The following RSRP1 variants were observed in gnomAD, a reference collection of about 807,000 sequenced individuals.
RSRP1 encodes the protein arginine and serine rich protein 1.
Under a neutral mutation model 33.0 loss-of-function variants are expected in RSRP1, and 37 were observed. The observed-to-expected ratio is 1.12, with a 90% CI of 0.86 to 1.48. RSRP1 has a LOEUF of 1.48. RSRP1 is among the 40% of genes most tolerant of loss of function. The pLI is 0.00. For synonymous variants in RSRP1, 167 were observed against 158.7 expected, an observed-to-expected ratio of 1.05 and a Z score of -0.40; for missense variants, 402 against 385.3, an observed-to-expected ratio of 1.04 and a Z score of -0.36.
chr1:25,288,370 G>A (rs1642226229), intron 1 of RSRP1, among the ~76,000 whole-genome samples: 1 of 125,512 alleles, frequency 8.0e-6, no homozygotes, highest in African/African-American at 2.7e-5. Flanking sequence ...TGTAGAGATG[G>A]AGTCTCACTA....
In RSRP1 at chr1:25,332,356, T is replaced by A. The variant is rs184989582; in HGVS notation, c.-67+5622A>T. ...CTGGCCAAAAATGTGATTTCTTATT[T>A]CCCACATTGCCAATTCCATTTCAAT... On this transcript the variant is annotated intron_variant, in intron 1 of 1. Coordinates refer to the RSRP1 transcript ENST00000561867. Among the ~76,000 whole-genome samples the A allele has an allele frequency of 3.1e-4, 41 of 131,784 alleles. 5 individuals carry two copies. Among genetic ancestry groups the A allele is most frequent in the Admixed American group, 3.0e-3 (40 of 13,506 alleles). The allele number at this position is 131,784 out of a possible 152,430, so 86.5% of individuals were successfully genotyped here. A position where few individuals can be genotyped will look rare whatever the true frequency, so the allele number is the denominator to read the frequency against.
At chr1:25,247,259 T>C (rs1639537951) in intron 1 of RSRP1, 50 bp downstream of exon 1, 1 of 383,236 alleles carries the variant, frequency 2.6e-6, no homozygotes, top group African/African-American at 2.1e-5. Flanking sequence ...CCCTCACTCC[T>C]GAGAGACCAC....
chr1:25,305,309 G>A lies in RSRP1; in HGVS notation c.-67+32669C>T, dbSNP rs1643713794. On this transcript the variant is annotated intron_variant, in intron 1 of 1. Transcript: ENST00000561867. ...CATAGGGTCCACCCAGGAGCATGGTGGACCCAGATCCCTGAAAGATGGGAG... is the reference window on the plus strand; with the variant it reads ...CATAGGGTCCACCCAGGAGCATGGTAGACCCAGATCCCTGAAAGATGGGAG... Among the ~76,000 whole-genome samples the A allele has an allele frequency of 2.3e-5, 3 of 132,284 alleles. 1 individual carries two copies. In the South Asian group the frequency reaches 6.9e-4, roughly 30 times the overall value. 86.8% of individuals were successfully genotyped at this position (132,284 alleles called of 152,430 possible). A position where few individuals can be genotyped will look rare whatever the true frequency, so the allele number is the denominator to read the frequency against.
intron 2 of RSRP1, 33 bp downstream of exon 2, chr1:25,246,411 T>C: frequency 1.2e-6 from 2 of 1,602,186 alleles, no homozygotes; most frequent in South Asian, 1.1e-5. Context: ...CACCATACAT[T>C]ACCACAAATG....
chr1:25,301,554 C>A, intron 1 of RSRP1: 1 of 1,379,336 alleles, frequency 7.2e-7, no homozygotes, highest in Middle Eastern at 1.8e-4. Flanking sequence ...GGCCAAGTTT[C>A]AACTCTGCTC....
At chr1:25,305,945 C>A (rs1309372251) in intron 1 of RSRP1, among the ~76,000 whole-genome samples, 1 of 131,760 alleles carries the variant, frequency 7.6e-6, no homozygotes, top group African/African-American at 2.6e-5. Context: ...AAGGAAGGAA[C>A]CAGCCTGATT....
intron 1 of RSRP1, among the ~76,000 whole-genome samples, chr1:25,262,774 C>T (rs533733916): frequency 6.5e-4 from 99 of 152,330 alleles, no homozygotes; most frequent in Middle Eastern, 3.4e-3. Context: ...GGAATGGAAG[C>T]GTGTATTCCA....
chr1:25,259,146 T>A lies in RSRP1; in HGVS notation c.-66-12117A>T, dbSNP rs1275238418. On this transcript the variant is annotated intron_variant, in intron 1 of 1. Transcript: ENST00000561867. ...TCTTACTCTGTCACCCAGGCTAGAGTGCAATGGCACCATCTTGGCTCACTG... is the reference window on the plus strand; with the variant it reads ...TCTTACTCTGTCACCCAGGCTAGAGAGCAATGGCACCATCTTGGCTCACTG... Among the ~76,000 whole-genome samples the A allele has an allele frequency of 2.0e-5, 3 of 152,100 alleles. No individual in the cohort carries two copies. The East Asian group carries it at 5.8e-4, about 29-fold the overall frequency.
Position 25,301,163 on chromosome 1 carries a change from G to T in RSRP1, c.-67+36815C>A, listed in dbSNP as rs200357982. The T allele has an allele frequency of 1.0e-4, 133 of 1,284,424 alleles. 7 individuals are homozygous for T. The East Asian group carries it at 2.3e-3, about 22-fold the overall frequency. The allele number at this position is 1,284,424 out of a possible 1,614,324, so 79.6% of individuals were successfully genotyped here. On this transcript the variant is annotated intron_variant, in intron 1 of 1. Transcript: ENST00000561867. ...GAATGGCTCAGAAAAGGCTCTGGCT[G>T]AAAAAATCTCCCTCCTTTACCAAGT...
intron 1 of RSRP1, among the ~76,000 whole-genome samples, chr1:25,322,391 G>C (rs1421722352): frequency 7.5e-6 from 1 of 133,116 alleles, no homozygotes; most frequent in Non-Finnish European, 1.8e-5. Flanking sequence ...TCTTACAACT[G>C]GCTGGGCACG....
chr1:25,265,491 CAG>C (rs769888705), intron 1 of RSRP1, among the ~76,000 whole-genome samples: 5 of 111,920 alleles, frequency 4.5e-5, no homozygotes, highest in Admixed American at 1.8e-4. Flanking sequence ...TTTTTTGAGA[CAG>C]AGTCTCACCT....
chr1:25,262,324 G>C (rs879546212), intron 1 of RSRP1, among the ~76,000 whole-genome samples: 9 of 152,268 alleles, frequency 5.9e-5, no homozygotes, highest in Non-Finnish European at 1.3e-4. Context: ...TTGAGCCTAA[G>C]ATACAGCAGT....
chr1:25,247,039 CAA>C lies in RSRP1; in HGVS notation c.-66-12_-66-11del. ...CTCAACTCAGGACTTCCTAAAAAAC[CAA>C]GAGAGAAAAAACAAGTCGAGTCGCG... On this transcript the variant is annotated splice_polypyrimidine_tract_variant and intron_variant, in intron 1 of 4. Coordinates refer to ENST00000243189, the MANE Select transcript of RSRP1 (RefSeq NM_020317.5). 2 of 1,383,078 alleles carry C rather than the reference CAA, an allele frequency of 1.4e-6. No homozygotes were observed. Among genetic ancestry groups the C allele is most frequent in the African/African-American group, 1.4e-5 (1 of 69,456 alleles). The allele number at this position is 1,383,078 out of a possible 1,614,324, so 85.7% of individuals were successfully genotyped here.
chr1:25,284,234 C>T (rs1245186610), intron 1 of RSRP1, among the ~76,000 whole-genome samples: 4 of 136,022 alleles, frequency 2.9e-5, no homozygotes, highest in Non-Finnish European at 5.3e-5. Flanking sequence ...TGTCCATGTG[C>T]GTCAAGCACG....
chr1:25,311,910 G>A lies in RSRP1; in HGVS notation c.-67+26068C>T, dbSNP rs968773901. On this transcript the variant is annotated intron_variant, in intron 1 of 1. Coordinates refer to the RSRP1 transcript ENST00000561867. ...CCACCTACATTTCAAAGGGTGCTGT[G>A]AACAGCCACCCCAGAGAGCCCCTAG... is the stretch of plus-strand genomic sequence containing the variant. 1.1e-4 allele frequency among the ~76,000 whole-genome samples: 15 copies of A among 131,364 alleles called. 2 individuals carry two copies. The East Asian group carries it at 2.9e-3, about 26-fold the overall frequency. 86.2% of individuals were successfully genotyped at this position (131,364 alleles called of 152,430 possible).
At chr1:25,311,939 A>G (rs1644171854) in intron 1 of RSRP1, among the ~76,000 whole-genome samples, 1 of 130,584 alleles carries the variant, frequency 7.7e-6, no homozygotes, top group Non-Finnish European at 1.8e-5. Flanking sequence ...CCCCTAGTAG[A>G]GCAGGGTCTA....
chr1:25,250,119 A>T (rs898004062), upstream of RSRP1, among the ~76,000 whole-genome samples: 2 of 152,226 alleles, frequency 1.3e-5, no homozygotes, highest in Non-Finnish European at 2.9e-5. Context: ...TTACAGAAGC[A>T]GAATAGGCAA....
intron 1 of RSRP1, 126 bp from the exon 2 acceptor site, chr1:25,247,155 AC>A (rs2124543502): frequency 1.7e-6 from 1 of 590,214 alleles, no homozygotes; most frequent in East Asian, 3.0e-5. Flanking sequence ...CGCGACAGGA[AC>A]CGAGCCCTAG....
intron 1 of RSRP1, among the ~76,000 whole-genome samples, chr1:25,313,113 G>A (rs1644257569): frequency 7.9e-6 from 1 of 126,442 alleles, no homozygotes; most frequent in African/African-American, 2.7e-5. Flanking sequence ...AAGCCTTTGG[G>A]AGGTAACTAG....
Sources: gnomAD v4.1 joint callset for allele counts (sites outside exome capture counted in the v4.1 genomes callset) on GRCh38, gnomAD v4.1.1 for gene constraint, MANE v1.5 for transcripts, NCBI Gene and HGNC (gene_info 2026-07-23, HGNC 2026-07-21) for gene names.